Variants in PCBP3 observed in about 807,000 individuals in gnomAD.
PCBP3 encodes poly(rC) binding protein 3, also known as poly(rC)-binding protein 3.
A neutral mutation model predicts 52.7 loss-of-function variants in PCBP3; 25 were observed. The ratio of observed to expected loss-of-function variants is 0.47; its 90% CI spans 0.35 to 0.66. PCBP3 has a LOEUF of 0.66. Ranked by LOEUF, PCBP3 falls within the 30% of genes least tolerant of loss-of-function variation. PCBP3 has a pLI of 0.01. For synonymous variants in PCBP3, 162 were observed against 183.0 expected (o/e 0.89, Z 0.93); for missense variants, 391 against 490.3 (o/e 0.80, Z 1.91).
intron 1 of PCBP3, among the ~76,000 whole-genome samples, chr21:45,658,988 A>G (rs2080201845): frequency 6.7e-6 from 1 of 149,778 alleles, no homozygotes; most frequent in African/African-American, 2.5e-5. Context: ...TTATTTCTGT[A>G]AGGTTGGTAG....
At chr21:45,815,146 G>A (rs2092858736) in intron 4 of PCBP3, among the ~76,000 whole-genome samples, 1 of 90,058 alleles carries the variant, frequency 1.1e-5, no homozygotes, top group Non-Finnish European at 2.3e-5. Context: ...AGTGGTGAGT[G>A]GTGAGTGAGT....
intron 4 of PCBP3, among the ~76,000 whole-genome samples, chr21:45,765,414 A>G (rs2089212278): frequency 6.6e-6 from 1 of 152,236 alleles, no homozygotes; most frequent in African/African-American, 2.4e-5. Context: ...GGTAGAAACA[A>G]CAAGTTAAAT....
chr21:45,883,613 CTT>C (rs1569430121), intron 5 of PCBP3, among the ~76,000 whole-genome samples: 3 of 152,280 alleles, frequency 2.0e-5, no homozygotes, highest in South Asian at 2.1e-4. Context: ...TATTTAGACT[CTT>C]TTATCATTAT....
intron 12 of PCBP3, chr21:45,915,402 AGTAACCTCT>A (rs2073220089): frequency 6.6e-6 from 1 of 152,256 alleles, no homozygotes; most frequent in Non-Finnish European, 1.5e-5. Flanking sequence ...TAACCGGTTT[AGTAACCTCT>A]GTGGACTCCA....
At chr21:45,935,897 G>A (rs950841494) in intron 16 of PCBP3, among the ~76,000 whole-genome samples, 5 of 152,230 alleles carry the variant, frequency 3.3e-5, no homozygotes, top group Non-Finnish European at 4.4e-5. Context: ...GGATAGAGAG[G>A]ACTATTCTCT....
chr21:45,877,539 C>T (rs1460231979), intron 5 of PCBP3, among the ~76,000 whole-genome samples: 1 of 152,204 alleles, frequency 6.6e-6, no homozygotes, highest in Non-Finnish European at 1.5e-5. Flanking sequence ...TGCAATGGCT[C>T]ACGCCTGTAA....
intron 1 of PCBP3, among the ~76,000 whole-genome samples, chr21:45,667,377 A>C (rs955414208): frequency 2.0e-5 from 3 of 150,420 alleles, no homozygotes; most frequent in Admixed American, 6.6e-5. Context: ...TAACTTCTTT[A>C]CTTTCTGTTC....
At position 45,840,389 on chromosome 21, in the gene PCBP3, G is replaced by A. The variant is rs374843509; in HGVS notation, c.-125-9572G>A. On this transcript the variant is annotated intron_variant, in intron 4 of 17. Transcript: ENST00000681687. ...GGAGAATGGTGTGAACCCGGGAGGC[G>A]GAGCTCGCAGTGAGCTGAGATTGCG... Among the ~76,000 whole-genome samples the A allele has an allele frequency of 1.3e-4, 19 of 150,260 alleles. No individual in the cohort carries two copies. In the East Asian group the frequency reaches 1.6e-3, roughly 12 times the overall value.
At chr21:45,813,947 A>G (rs1365677281) in intron 4 of PCBP3, among the ~76,000 whole-genome samples, 1 of 152,224 alleles carries the variant, frequency 6.6e-6, no homozygotes, top group Non-Finnish European at 1.5e-5. Context: ...TGACAGGGAC[A>G]CATGCTGAGA....
At position 45,930,844 on chromosome 21, in the gene PCBP3, A is replaced by T. The variant is rs2076084370; in HGVS notation, c.855A>T (p.Ser285=). 6.2e-7 allele frequency: 1 copy of T among 1,611,562 alleles called. No homozygotes were observed. The highest frequency in any genetic ancestry group is 1.1e-5 in the South Asian group (1 of 91,048). Residue 285 remains serine (S), a splice_region_variant and synonymous_variant, in exon 15 of 18, where the codon TCA becomes TCT. Coordinates refer to ENST00000681687, the MANE Select transcript of PCBP3 (RefSeq NM_001384156.1). The stretch of plus-strand genomic sequence containing the variant: ...CTCAAAATCTGATGGGCCAGTCATC[A>T]GGTAACACAAAGCCACACTGACAGG... ...EEAQNLMGQS[S]GLDASPPAST... is the part of the protein sequence containing the mutation.
At chr21:45,731,252 G>A (rs1231209510) in intron 2 of PCBP3, among the ~76,000 whole-genome samples, 1 of 152,146 alleles carries the variant, frequency 6.6e-6, no homozygotes, top group Non-Finnish European at 1.5e-5. Context: ...GATTTAACAA[G>A]GGAATCTAAA....
At chr21:45,857,698 G>A (rs1316363537) in intron 5 of PCBP3, among the ~76,000 whole-genome samples, 1 of 152,170 alleles carries the variant, frequency 6.6e-6, no homozygotes, top group East Asian at 1.9e-4. Flanking sequence ...TTCTCCTGAG[G>A]CTGTGCCTCA....
intron 4 of PCBP3, among the ~76,000 whole-genome samples, chr21:45,847,059 A>G (rs2093829325): frequency 6.6e-6 from 1 of 151,672 alleles, no homozygotes; most frequent in South Asian, 2.1e-4. Flanking sequence ...TGTTTTATTT[A>G]TTGTGCATCT....
intron 1 of PCBP3, among the ~76,000 whole-genome samples, chr21:45,666,927 CTT>C (rs749275852): frequency 6.6e-6 from 1 of 151,902 alleles, no homozygotes; most frequent in Non-Finnish European, 1.5e-5. Flanking sequence ...GTGTGGATGT[CTT>C]TGAGTTTATC....
intron 2 of PCBP3, among the ~76,000 whole-genome samples, chr21:45,725,300 G>T (rs568782905): frequency 7.2e-5 from 11 of 151,998 alleles, no homozygotes; most frequent in Non-Finnish European, 1.6e-4. Context: ...TCTGATGGTG[G>T]TTTTTTTTCT....
chr21:45,912,850 C>T (rs1569489967), intron 11 of PCBP3, among the ~76,000 whole-genome samples: 1 of 152,170 alleles, frequency 6.6e-6, no homozygotes, highest in East Asian at 1.9e-4. Context: ...AGCCCAGACC[C>T]GCCCCACATC....
chr21:45,713,268 G>T (rs566231814), intron 2 of PCBP3, among the ~76,000 whole-genome samples: 1 of 152,224 alleles, frequency 6.6e-6, no homozygotes, highest in East Asian at 1.9e-4. Flanking sequence ...CCTTGGCCTC[G>T]CATTCCAGAT....
At chr21:45,813,713 G>A (rs2092747342) in intron 4 of PCBP3, among the ~76,000 whole-genome samples, 1 of 152,190 alleles carries the variant, frequency 6.6e-6, no homozygotes, top group Non-Finnish European at 1.5e-5. Context: ...CAAAGTGCTG[G>A]TATTGCAAGC....
At chr21:45,923,010 G>A (rs750222963) in intron 13 of PCBP3, among the ~76,000 whole-genome samples, 14 of 152,222 alleles carry the variant, frequency 9.2e-5, no homozygotes, top group Non-Finnish European at 1.5e-4. Flanking sequence ...TGGGAGGCAC[G>A]ACCAGATCCT....
Sources: allele counts gnomAD v4.1 joint callset (sites outside exome capture counted in the v4.1 genomes callset), GRCh38; gene constraint gnomAD v4.1.1; transcripts MANE v1.5; gene names NCBI Gene and HGNC (gene_info 2026-07-23, HGNC 2026-07-21).